The following HNRNPC variants were observed in gnomAD, a reference collection of about 807,000 sequenced individuals.
HNRNPC encodes the protein heterogeneous nuclear ribonucleoproteins C1/C2.
In HNRNPC, 3 loss-of-function variants were observed where a neutral mutation model predicts 33.2. The observed-to-expected ratio is 0.09, with a 90% CI of 0.04 to 0.23. HNRNPC has a LOEUF of 0.23. HNRNPC is among the 10% of genes least tolerant of loss of function. The pLI is 1.00. For synonymous variants in HNRNPC, 121 were observed against 126.7 expected, an observed-to-expected ratio of 0.96 and a Z score of 0.30; for missense variants, 143 against 366.7, an observed-to-expected ratio of 0.39 and a Z score of 4.98.
At chr14:21,267,096 A>AC (rs1879132865) in intron 1 of HNRNPC, among the ~76,000 whole-genome samples, 1 of 3,518 alleles carries the variant, frequency 2.8e-4, no homozygotes, top group Non-Finnish European at 5.6e-4. Context: ...ACTCCGTCTC[A>AC]AAAAAAAAAA....
At chr14:21,238,302 A>C (rs1894949257) in intron 2 of HNRNPC, among the ~76,000 whole-genome samples, 1 of 152,240 alleles carries the variant, frequency 6.6e-6, no homozygotes, top group Admixed American at 6.5e-5. Context: ...GCAAATTATA[A>C]TTTGAGTCAA....
intron 2 of HNRNPC, among the ~76,000 whole-genome samples, chr14:21,249,679 A>G (rs1183924812): frequency 2.6e-5 from 4 of 151,594 alleles, no homozygotes; most frequent in Non-Finnish European, 5.9e-5. Flanking sequence ...GGGGTCTATT[A>G]GCCATTGGAA....
chr14:21,212,566 T>TG (rs1891734694), intron 6 of HNRNPC, among the ~76,000 whole-genome samples: 1 of 151,790 alleles, frequency 6.6e-6, no homozygotes, highest in Non-Finnish European at 1.5e-5. Flanking sequence ...TTTCTTGAGA[T>TG]GGAGTTTTGC....
intron 2 of HNRNPC, among the ~76,000 whole-genome samples, chr14:21,244,184 G>A (rs1376480780): frequency 6.6e-6 from 1 of 152,132 alleles, no homozygotes; most frequent in Non-Finnish European, 1.5e-5. Context: ...TTTTAGTAGA[G>A]ATGGGGTTTC....
At chr14:21,249,453 G>A (rs1896366749) in intron 2 of HNRNPC, among the ~76,000 whole-genome samples, 2 of 151,716 alleles carry the variant, frequency 1.3e-5, no homozygotes, top group South Asian at 4.2e-4. Flanking sequence ...CAGGTGTGGT[G>A]GCACGTGCCT....
At chr14:21,223,784 A>T (rs1040351970) in intron 5 of HNRNPC, among the ~76,000 whole-genome samples, 2 of 152,096 alleles carry the variant, frequency 1.3e-5, no homozygotes, top group Admixed American at 6.5e-5. Flanking sequence ...CTAATAACTG[A>T]TTTGTTCCAA....
chr14:21,230,706 T>G, intron 4 of HNRNPC: 1 of 482,080 alleles, frequency 2.1e-6, no homozygotes. Context: ...TCAACGATCC[T>G]GTATAAGTAT....
chr14:21,262,020 C>A (rs540767951), intron 2 of HNRNPC, among the ~76,000 whole-genome samples: 1 of 152,236 alleles, frequency 6.6e-6, no homozygotes, highest in East Asian at 1.9e-4. Flanking sequence ...CTTGAGTCAC[C>A]ACTGTAAAAG....
At chr14:21,215,884 G>A (rs1892099412) in intron 5 of HNRNPC, among the ~76,000 whole-genome samples, 1 of 136,854 alleles carries the variant, frequency 7.3e-6, no homozygotes. Context: ...CAGTGACAGA[G>A]CAAGACTCCG....
At chr14:21,250,520 C>T (rs531803035) in intron 2 of HNRNPC, among the ~76,000 whole-genome samples, 9 of 152,264 alleles carry the variant, frequency 5.9e-5, no homozygotes, top group African/African-American at 1.7e-4. Context: ...ATGGTTATAT[C>T]ACGCCAAGAT....
At chr14:21,218,254 G>A (rs916254955) in intron 5 of HNRNPC, among the ~76,000 whole-genome samples, 55 of 152,258 alleles carry the variant, frequency 3.6e-4, no homozygotes, top group African/African-American at 1.1e-3. Flanking sequence ...ATGAGCCACC[G>A]TGTGCAGCCA....
At chr14:21,212,499 T>C (rs1891723784) in intron 6 of HNRNPC, among the ~76,000 whole-genome samples, 1 of 152,112 alleles carries the variant, frequency 6.6e-6, no homozygotes, top group Non-Finnish European at 1.5e-5. Flanking sequence ...TGTTGCAGTC[T>C]AGAATTGGCC....
At chr14:21,260,372 A>ATT (rs1566646909) in intron 2 of HNRNPC, among the ~76,000 whole-genome samples, 6 of 144,110 alleles carry the variant, frequency 4.2e-5, no homozygotes, top group African/African-American at 1.4e-4. Flanking sequence ...TCTTATTTAA[A>ATT]AAAAAAAAAA....
intron 2 of HNRNPC, among the ~76,000 whole-genome samples, chr14:21,249,593 C>CAAAAAAAAAAAAAAAA (rs756880620): frequency 1.2e-5 from 1 of 83,446 alleles, no homozygotes; most frequent in Non-Finnish European, 2.3e-5. Flanking sequence ...GTCTCAAAAA[C>CAAAAAAAAAAAAAAAA]AAAAAAAAAA....
In HNRNPC at chr14:21,230,381, C is replaced by A. The variant is rs936914401; in HGVS notation, c.318-15G>T. Reference sequence around the variant, plus strand: ...CAAAAGAGGAGCTGAAAAATAAATACCGAAAAGGGTTAATTTGGAAATGTT... The same window carrying A: ...CAAAAGAGGAGCTGAAAAATAAATAACGAAAAGGGTTAATTTGGAAATGTT... On this transcript the variant is annotated splice_polypyrimidine_tract_variant and intron_variant, in intron 4 of 8. Transcript: ENST00000553300. 1 of 1,598,510 alleles carries A rather than the reference C, an allele frequency of 6.3e-7. No homozygotes were observed. The highest frequency in any genetic ancestry group is 1.1e-5 in the South Asian group (1 of 90,470).
intron 5 of HNRNPC, among the ~76,000 whole-genome samples, chr14:21,220,595 T>C (rs1428961841): frequency 2.0e-5 from 3 of 152,100 alleles, no homozygotes; most frequent in Non-Finnish European, 1.5e-5. Context: ...CAAATATTTG[T>C]TGAGTAAATA....
At chr14:21,211,651 G>A (rs1273599813) in intron 7 of HNRNPC, 85 bp from the exon 8 acceptor site, 22 of 1,490,358 alleles carry the variant, frequency 1.5e-5, no homozygotes, top group Non-Finnish European at 1.8e-5. Context: ...CAGAACTGCA[G>A]CACAAATCTA....
intron 2 of HNRNPC, among the ~76,000 whole-genome samples, chr14:21,244,796 C>G (rs993053057): frequency 7.9e-5 from 12 of 152,168 alleles, no homozygotes; most frequent in African/African-American, 2.9e-4. Context: ...TACAAACCTG[C>G]ATAGCATGCA....
At chr14:21,216,880 AAT>A (rs1338930817) in intron 5 of HNRNPC, among the ~76,000 whole-genome samples, 20 of 152,344 alleles carry the variant, frequency 1.3e-4, no homozygotes, top group Admixed American at 9.1e-4. Flanking sequence ...TTTAAATAAC[AAT>A]ATGTCAAATT....
Sources: gnomAD v4.1 joint callset for allele counts (sites outside exome capture counted in the v4.1 genomes callset) on GRCh38, gnomAD v4.1.1 for gene constraint, MANE v1.5 for transcripts, NCBI Gene and HGNC (gene_info 2026-07-23, HGNC 2026-07-21) for gene names.